The following FOXP1 variants were observed in gnomAD, a reference collection of about 807,000 sequenced individuals.
FOXP1 encodes the protein forkhead box protein P1.
FOXP1 carries 15 observed loss-of-function variants against 98.2 expected under a neutral mutation model. That is an observed-to-expected ratio of 0.15 (90% CI 0.10 to 0.24). The LOEUF (loss-of-function observed/expected upper bound fraction) is 0.24. Ranked by LOEUF, FOXP1 falls within the 10% of genes least tolerant of loss-of-function variation. The probability of loss-of-function intolerance (pLI) is 1.00; values close to 1 mark genes in which losing one functional copy is unlikely to be tolerated. For synonymous variants in FOXP1, 371 were observed against 314.5 expected, an observed-to-expected ratio of 1.18 and a Z score of -1.90; for missense variants, 633 against 848.5, an observed-to-expected ratio of 0.75 and a Z score of 3.15.
chr3:71,251,132 C>G (rs907252071), intron 5 of FOXP1, among the ~76,000 whole-genome samples: 10 of 152,162 alleles, frequency 6.6e-5, no homozygotes, highest in African/African-American at 2.4e-4. Flanking sequence ...CTTTAAGAAG[C>G]TAGTTGCAAA....
chr3:71,037,289 A>G (rs2047720485), intron 11 of FOXP1, among the ~76,000 whole-genome samples: 2 of 152,204 alleles, frequency 1.3e-5, no homozygotes, highest in Admixed American at 6.5e-5. Context: ...AGTAATTGCT[A>G]TTAGTATTTA....
At chr3:71,039,941 T>A (rs1355516502) in intron 11 of FOXP1, among the ~76,000 whole-genome samples, 1 of 152,158 alleles carries the variant, frequency 6.6e-6, no homozygotes, top group Non-Finnish European at 1.5e-5. Flanking sequence ...CAAACCAACA[T>A]GCTTAATGCA....
intron 2 of FOXP1, among the ~76,000 whole-genome samples, chr3:71,509,559 G>T (rs184398530): frequency 1.1e-3 from 175 of 152,202 alleles, no homozygotes; most frequent in Non-Finnish European, 1.9e-3. Flanking sequence ...ATCATGGGGG[G>T]AGGACATAAT....
At chr3:70,967,564 G>GTGTCAAATAATTTGCATCAAGTACTTTT (rs1338066597) in intron 19 of FOXP1, among the ~76,000 whole-genome samples, 1 of 151,658 alleles carries the variant, frequency 6.6e-6, no homozygotes, top group Non-Finnish European at 1.5e-5. Flanking sequence ...CTCCTACAGT[G>GTGTCAAATAATTTGCATCAAGTACTTTT]TGTCAAATAA....
intron 4 of FOXP1, among the ~76,000 whole-genome samples, chr3:71,303,116 C>T (rs2073988218): frequency 6.6e-6 from 1 of 152,044 alleles, no homozygotes; most frequent in African/African-American, 2.4e-5. Context: ...TGAAGAGTAT[C>T]AGCTCTTTTT....
At chr3:71,320,390 C>G (rs748449861) in intron 4 of FOXP1, among the ~76,000 whole-genome samples, 5 of 151,876 alleles carry the variant, frequency 3.3e-5, no homozygotes, top group Non-Finnish European at 7.4e-5. Flanking sequence ...CGGACAGACA[C>G]TCACATACAC....
chr3:71,540,865 G>A (rs2044750893), intron 2 of FOXP1, among the ~76,000 whole-genome samples: 1 of 152,208 alleles, frequency 6.6e-6, no homozygotes, highest in African/African-American at 2.4e-5. Context: ...AGTTACTAAT[G>A]TGAATCCAAA....
chr3:71,393,283 C>T (rs191835458), intron 3 of FOXP1, among the ~76,000 whole-genome samples: 98 of 151,906 alleles, frequency 6.5e-4, no homozygotes, highest in African/African-American at 2.1e-3. Context: ...ATGCCTCATA[C>T]TAAAACTTTA....
intron 2 of FOXP1, among the ~76,000 whole-genome samples, chr3:71,536,654 C>T (rs1375553001): frequency 6.7e-6 from 1 of 150,272 alleles, no homozygotes; most frequent in South Asian, 2.1e-4. Flanking sequence ...ATAAAATCCT[C>T]GCATATAAAG....
At chr3:71,301,835 A>G (rs752043109) in intron 4 of FOXP1, among the ~76,000 whole-genome samples, 31 of 152,166 alleles carry the variant, frequency 2.0e-4, no homozygotes, top group Non-Finnish European at 4.1e-4. Context: ...ACCTATCCAC[A>G]CAGTATAGTG....
chr3:71,082,417 G>A (rs543967384), intron 7 of FOXP1, among the ~76,000 whole-genome samples: 1 of 151,230 alleles, frequency 6.6e-6, no homozygotes, highest in African/African-American at 2.4e-5. Flanking sequence ...GTAAGTGGGA[G>A]CTGAACAACA....
chr3:70,954,844 G>A lies in FOXP1; in HGVS notation c.*4403C>T, dbSNP rs1203976496. 4.3e-6 allele frequency: 1 copy of A among 232,434 alleles called. No homozygotes were observed. Among genetic ancestry groups the A allele is most frequent in the Non-Finnish European group, 8.5e-6 (1 of 117,674 alleles). The allele number at this position is 232,434 out of a possible 1,614,324, so 14.4% of individuals were successfully genotyped here. A position where few individuals can be genotyped will look rare whatever the true frequency, so the allele number is the denominator to read the frequency against. ...ATGGAATGATGGAATTACAGTTGAT[G>A]TCAAGGAATGAGTTTCTTTTATGCC... On this transcript the variant is annotated 3_prime_UTR_variant, in exon 21 of 21. Transcript: ENST00000649528.
chr3:71,153,823 A>G (rs1349548780), intron 6 of FOXP1, among the ~76,000 whole-genome samples: 1 of 152,236 alleles, frequency 6.6e-6, no homozygotes. Context: ...GGAATAAATG[A>G]CAGTAAATTG....
intron 2 of FOXP1, among the ~76,000 whole-genome samples, chr3:71,509,714 C>A (rs935288032): frequency 6.6e-6 from 1 of 151,920 alleles, no homozygotes; most frequent in African/African-American, 2.4e-5. Flanking sequence ...AAGCCTCTGT[C>A]TCTACAAAAA....
chr3:71,396,997 C>CACAT (rs2081483327), intron 3 of FOXP1, among the ~76,000 whole-genome samples: 3 of 40,622 alleles, frequency 7.4e-5, no homozygotes, highest in African/African-American at 3.6e-4. Context: ...TATATATACA[C>CACAT]ATATATATGT....
chr3:71,525,649 C>T (rs1339231018), intron 2 of FOXP1, among the ~76,000 whole-genome samples: 2 of 152,164 alleles, frequency 1.3e-5, no homozygotes, highest in African/African-American at 2.4e-5. Flanking sequence ...TTAGCCTTCC[C>T]TTATTTCATA....
chr3:71,579,961 T>G (rs2048029771), intron 2 of FOXP1, among the ~76,000 whole-genome samples: 1 of 152,104 alleles, frequency 6.6e-6, no homozygotes. Flanking sequence ...TCCTTCCAAG[T>G]GAGCCTTCGC....
chr3:71,142,901 C>G (rs1034024271), intron 6 of FOXP1, among the ~76,000 whole-genome samples: 65 of 152,064 alleles, frequency 4.3e-4, no homozygotes, highest in African/African-American at 1.4e-3. Context: ...AAGAGTTTCT[C>G]TTAATGAGTA....
intron 15 of FOXP1, 27 bp downstream of exon 15, chr3:70,977,801 A>G (rs772808234): frequency 4.3e-5 from 70 of 1,612,684 alleles, no homozygotes; most frequent in Non-Finnish European, 5.5e-5. Flanking sequence ...TTACAACTCT[A>G]CGTGAGGCAA....
Sources: allele counts gnomAD v4.1 joint callset (sites outside exome capture counted in the v4.1 genomes callset), GRCh38; gene constraint gnomAD v4.1.1; transcripts MANE v1.5; gene names NCBI Gene and HGNC (gene_info 2026-07-23, HGNC 2026-07-21).